Variants in RAB6A observed in about 807,000 individuals in gnomAD.
The protein encoded by RAB6A is RAB6A, member RAS oncogene family.
A neutral mutation model predicts 32.3 loss-of-function variants in RAB6A; 8 were observed. The ratio of observed to expected loss-of-function variants is 0.25; its 90% CI spans 0.15 to 0.45. RAB6A has a LOEUF of 0.45. RAB6A is among the 20% of genes least tolerant of loss of function. The pLI is 1.00. For synonymous variants in RAB6A, 73 were observed against 82.1 expected (o/e 0.89, Z 0.60); for missense variants, 104 against 249.4 (o/e 0.42, Z 3.93).
chr11:73,717,498 G>C (rs777230508), intron 4 of RAB6A, among the ~76,000 whole-genome samples: 23 of 152,222 alleles, frequency 1.5e-4, no homozygotes, highest in Non-Finnish European at 2.4e-4. Flanking sequence ...AGGCTGGAGT[G>C]CAATGGCACG....
chr11:73,742,970 A>G (rs980674920), intron 1 of RAB6A, among the ~76,000 whole-genome samples: 1 of 152,136 alleles, frequency 6.6e-6, no homozygotes, highest in African/African-American at 2.4e-5. Context: ...CCACTGAAGA[A>G]AACAAATATG....
chr11:73,760,070 C>T, intron 1 of RAB6A: 1 of 1,289,878 alleles, frequency 7.8e-7, no homozygotes, highest in Non-Finnish European at 1.0e-6. Context: ...CAGCACTTCG[C>T]AGGGCCAAGC....
At chr11:73,699,991 T>C (rs1419822226) in intron 6 of RAB6A, among the ~76,000 whole-genome samples, 3 of 152,204 alleles carry the variant, frequency 2.0e-5, no homozygotes, top group Non-Finnish European at 2.9e-5. Flanking sequence ...ATTGACCTGT[T>C]AGAGCTGATG....
chr11:73,703,517 GTATCACC>G (rs1212217732), intron 6 of RAB6A, among the ~76,000 whole-genome samples: 1 of 152,154 alleles, frequency 6.6e-6, no homozygotes, highest in Non-Finnish European at 1.5e-5. Context: ...TGAGGTGGGC[GTATCACC>G]TAAGGCCAGG....
intron 6 of RAB6A, among the ~76,000 whole-genome samples, chr11:73,685,885 C>CAAAAAAAAAAAAAAAAAAAAAAA (rs56270679): frequency 2.9e-5 from 3 of 103,028 alleles, no homozygotes; most frequent in South Asian, 3.7e-4. Context: ...AACTCCGTCT[C>CAAAAAAAAAAAAAAAAAAAAAAA]AAAAAAAAAA....
At chr11:73,759,970 A>T in intron 1 of RAB6A, 1 of 1,224,886 alleles carries the variant, frequency 8.2e-7, no homozygotes, top group Non-Finnish European at 1.1e-6. Context: ...TCCAATTCAG[A>T]TGTTTCCTCT....
intron 1 of RAB6A, among the ~76,000 whole-genome samples, chr11:73,741,545 C>T (rs1325289241): frequency 2.0e-5 from 3 of 151,464 alleles, no homozygotes; most frequent in Non-Finnish European, 2.9e-5. Flanking sequence ...AAAAAAAGGA[C>T]GTACATGTAT....
At position 73,751,180 on chromosome 11, in the gene RAB6A, T is replaced by G. The variant is rs1037351978; in HGVS notation, c.70+9386A>C. ...CTATAGTCCCAGCTACTCAGGAGGCTGAGGCAGGAGGATCACTTGAGCCAG... is the reference window on the plus strand; with the variant it reads ...CTATAGTCCCAGCTACTCAGGAGGCGGAGGCAGGAGGATCACTTGAGCCAG... On this transcript the variant is annotated intron_variant, in intron 1 of 7. Coordinates refer to ENST00000336083, the MANE Select transcript of RAB6A (RefSeq NM_198896.2). 5.3e-5 allele frequency among the ~76,000 whole-genome samples: 8 copies of G among 152,168 alleles called. No homozygotes were observed. The South Asian group carries it at 1.7e-3, about 32-fold the overall frequency.
chr11:73,697,926 A>G (rs1001949548), intron 6 of RAB6A, among the ~76,000 whole-genome samples: 3 of 152,228 alleles, frequency 2.0e-5, no homozygotes, highest in African/African-American at 7.2e-5. Flanking sequence ...GTTATACTGA[A>G]GTCCTACTGT....
At chr11:73,758,303 A>C (rs1946791561) in intron 1 of RAB6A, among the ~76,000 whole-genome samples, 1 of 152,258 alleles carries the variant, frequency 6.6e-6, no homozygotes, top group Non-Finnish European at 1.5e-5. Flanking sequence ...TTAGGTTAAA[A>C]CTAAAAATCT....
Position 73,707,473 on chromosome 11 carries a change from G to A in RAB6A, c.442C>T (p.Leu148=), listed in dbSNP as rs1289312788. 4.3e-6 allele frequency: 7 copies of A among 1,613,656 alleles called. No individual in the cohort carries two copies. The South Asian group carries it at 6.6e-5, about 15-fold the overall frequency. Residue 148 remains leucine (L), a synonymous_variant, in exon 6 of 8, where the codon CTG becomes TTG. Transcript: ENST00000336083. Reference sequence around the variant, plus strand: ...CTAGTTTCAATAAACATAACATTCAGCTCTTTGGCTTTCCTCTCTCCCTCC... The same window carrying A: ...CTAGTTTCAATAAACATAACATTCAACTCTTTGGCTTTCCTCTCTCCCTCC... ...IEEGERKAKE[L]NVMFIETSAK...
intron 1 of RAB6A, among the ~76,000 whole-genome samples, chr11:73,751,740 T>C (rs1946671813): frequency 6.6e-6 from 1 of 152,202 alleles, no homozygotes. Flanking sequence ...ATTTACTGTA[T>C]GTTATGACTT....
rs1946830678 is a variant in RAB6A at position 73,760,618 on chromosome 11, G to A, written c.18C>T (p.Asp6=). MSTGG[D]FGNPLRKFKL... ...TGAATTTCCTCAGCGGATTCCCGAA[G>A]TCTCCGCCCGTGGACATTGTGGAAC... is the stretch of plus-strand genomic sequence containing the variant. Residue 6 remains aspartate (D), a synonymous_variant, in exon 1 of 8, where the codon GAC becomes GAT. Transcript: ENST00000336083. 1.2e-6 allele frequency: 2 copies of A among 1,611,034 alleles called. No homozygotes were observed. The highest frequency in any genetic ancestry group is 1.7e-6 in the Non-Finnish European group (2 of 1,178,800).
At chr11:73,754,907 T>C (rs1006890309) in intron 1 of RAB6A, among the ~76,000 whole-genome samples, 44 of 151,390 alleles carry the variant, frequency 2.9e-4, no homozygotes. Context: ...GGTATTAACA[T>C]GCAATGGGTT....
At chr11:73,749,520 T>C (rs1946642477) in intron 1 of RAB6A, among the ~76,000 whole-genome samples, 1 of 152,100 alleles carries the variant, frequency 6.6e-6, no homozygotes, top group South Asian at 2.1e-4. Context: ...AAATAAAAGT[T>C]GTACAGTATA....
chr11:73,677,993 GA>G (rs1945293678), intron 7 of RAB6A, 31 bp from the exon 8 acceptor site: 2 of 1,608,634 alleles, frequency 1.2e-6, no homozygotes, highest in Non-Finnish European at 1.7e-6. Context: ...CCATAAATGG[GA>G]AAGTACAATT....
At chr11:73,698,291 G>C (rs1396113167) in intron 6 of RAB6A, among the ~76,000 whole-genome samples, 1 of 152,148 alleles carries the variant, frequency 6.6e-6, no homozygotes, top group African/African-American at 2.4e-5. Context: ...GGATAAATTG[G>C]GGTGAGGTTA....
At chr11:73,739,605 A>T (rs1946463589) in intron 1 of RAB6A, among the ~76,000 whole-genome samples, 1 of 151,920 alleles carries the variant, frequency 6.6e-6, no homozygotes, top group Non-Finnish European at 1.5e-5. Context: ...AAGGTTGATT[A>T]TTAAAAGTTA....
chr11:73,713,702 T>G (rs1468287054), intron 5 of RAB6A, among the ~76,000 whole-genome samples: 1 of 152,254 alleles, frequency 6.6e-6, no homozygotes, highest in Non-Finnish European at 1.5e-5. Context: ...ATGTCATGCT[T>G]ATAAAAGCCC....
Sources: allele counts gnomAD v4.1 joint callset (sites outside exome capture counted in the v4.1 genomes callset), GRCh38; gene constraint gnomAD v4.1.1; transcripts MANE v1.5; gene names NCBI Gene and HGNC (gene_info 2026-07-23, HGNC 2026-07-21).